Variants in GDNF observed in about 807,000 individuals in gnomAD.
GDNF encodes the protein glial cell derived neurotrophic factor.
Under a neutral mutation model 13.7 loss-of-function variants are expected in GDNF, and 5 were observed. That is an observed-to-expected ratio of 0.36 (90% CI 0.19 to 0.77). The LOEUF (loss-of-function observed/expected upper bound fraction) is 0.77, where lower values mean the gene tolerates loss of function less well. GDNF is among the 30% of genes least tolerant of loss of function. GDNF has a pLI of 0.51. For missense variants in GDNF, 246 were observed against 274.3 expected (o/e 0.90, Z 0.73); for synonymous variants, 122 against 112.5 (o/e 1.08, Z -0.53).
intron 1 of GDNF, among the ~76,000 whole-genome samples, chr5:37,836,841 G>A (rs1750724975): frequency 6.6e-6 from 1 of 152,224 alleles, no homozygotes. Context: ...TTCCTGCTTG[G>A]CCGACGGAGG....
intron 2 of GDNF, among the ~76,000 whole-genome samples, chr5:37,825,562 T>A (rs1238234790): frequency 6.6e-6 from 1 of 151,890 alleles, no homozygotes; most frequent in African/African-American, 2.4e-5. Flanking sequence ...CAGGGAAGGG[T>A]GAGAAAGTTA....
intron 2 of GDNF, among the ~76,000 whole-genome samples, chr5:37,824,679 A>T (rs1750244903): frequency 1.3e-5 from 2 of 152,232 alleles, no homozygotes; most frequent in South Asian, 4.1e-4. Flanking sequence ...TGCATCTTAC[A>T]TTATGTAATG....
intron 2 of GDNF, among the ~76,000 whole-genome samples, chr5:37,827,708 T>C (rs949983681): frequency 3.3e-5 from 5 of 152,216 alleles, no homozygotes; most frequent in Admixed American, 3.3e-4. Flanking sequence ...GAATTGAAAA[T>C]GAAGTCAGAC....
At chr5:37,820,883 C>A (rs983591204) in intron 2 of GDNF, among the ~76,000 whole-genome samples, 9 of 152,126 alleles carry the variant, frequency 5.9e-5, no homozygotes, top group African/African-American at 2.2e-4. Context: ...CAAGTTCAGG[C>A]CATAGGCAAC....
intron 2 of GDNF, among the ~76,000 whole-genome samples, chr5:37,821,164 G>A (rs1014728220): frequency 1.3e-5 from 2 of 152,154 alleles, no homozygotes; most frequent in African/African-American, 4.8e-5. Flanking sequence ...CACTGAGCCT[G>A]TCCTTAATTC....
intron 2 of GDNF, among the ~76,000 whole-genome samples, chr5:37,817,613 G>GTGTC (rs1356917949): frequency 6.6e-6 from 1 of 151,606 alleles, no homozygotes; most frequent in Non-Finnish European, 1.5e-5. Context: ...GAGTGTGTGT[G>GTGTC]TGTGTGTGTG....
chr5:37,839,672 T>C lies in GDNF; in HGVS notation c.-192A>G, dbSNP rs1018793607. ...GTCGCGCGGGGCAGCAAGGGCGCGC[T>C]GGAGGCGGCGGCCAAGACTCCCGCC... On this transcript the variant is annotated 5_prime_UTR_variant, in exon 1 of 3. Transcript: ENST00000326524. This position sits in a 1 kb window ranked among gnomAD's most constrained non-coding sequence, Gnocchi z 5.5. 2 of 151,936 alleles carry C rather than the reference T, an allele frequency of 1.3e-5. No individual in the cohort carries two copies. The highest frequency in any genetic ancestry group is 2.9e-5 in the Non-Finnish European group (2 of 68,036). The allele number at this position is 151,936 out of a possible 1,614,324, so 9.4% of individuals were successfully genotyped here.
intron 2 of GDNF, among the ~76,000 whole-genome samples, chr5:37,833,438 T>A (rs1403857884): frequency 1.3e-5 from 2 of 152,240 alleles, no homozygotes; most frequent in East Asian, 3.8e-4. Context: ...CCTTTTGAAG[T>A]CTTAATTTGC....
rs115957293 is a variant in GDNF at position 37,824,913 on chromosome 5, C to A, written c.152-8778G>T. ...GTTTGTTGACAGTAAGGCATGACAT[C>A]GATTTATTTGAAAAGTATTTGCGTT... On this transcript the variant is annotated intron_variant, in intron 2 of 2. Coordinates refer to ENST00000326524, the MANE Select transcript of GDNF (RefSeq NM_000514.4). Among the ~76,000 whole-genome samples the A allele has an allele frequency of 3.5e-3, 532 of 152,224 alleles. 3 individuals carry two copies. The highest frequency in any genetic ancestry group is 0.012 in the African/African-American group (492 of 41,530).
chr5:37,816,155 A>C lies in GDNF; in HGVS notation c.152-20T>G. On this transcript the variant is annotated intron_variant, in intron 2 of 2. Coordinates refer to ENST00000326524, the MANE Select transcript of GDNF (RefSeq NM_000514.4). The stretch of plus-strand genomic sequence containing the variant: ...TATTTGCTGTTCAAAAAGAAAAGAG[A>C]AAATGGCACATGAGACAAAATGATC... The C allele has an allele frequency of 6.2e-7, 1 of 1,612,514 alleles. No homozygotes were observed. The highest frequency in any genetic ancestry group is 1.1e-5 in the South Asian group (1 of 91,056).
chr5:37,835,677 T>A, intron 1 of GDNF: 1 of 1,549,526 alleles, frequency 6.5e-7, no homozygotes, highest in South Asian at 1.2e-5. Context: ...AAAGTTTTAA[T>A]CCTCCGTGGT....
At chr5:37,824,868 C>T (rs1750254701) in intron 2 of GDNF, among the ~76,000 whole-genome samples, 1 of 152,212 alleles carries the variant, frequency 6.6e-6, no homozygotes, top group Non-Finnish European at 1.5e-5. Flanking sequence ...GCTACCAGTG[C>T]ATTCTCTTCA....
chr5:37,829,948 G>T (rs571012554), intron 2 of GDNF, among the ~76,000 whole-genome samples: 5 of 152,312 alleles, frequency 3.3e-5, no homozygotes, highest in African/African-American at 1.2e-4. Context: ...ATCCCAAGTG[G>T]CAGAGCTCCT....
intron 2 of GDNF, among the ~76,000 whole-genome samples, chr5:37,816,637 G>A (rs1236485733): frequency 6.6e-6 from 1 of 152,146 alleles, no homozygotes; most frequent in Non-Finnish European, 1.5e-5. Context: ...CAAGCCTCAA[G>A]GAATTCTAAT....
At position 37,837,994 on chromosome 5, in the gene GDNF, GTTTTTTTTTT is replaced by G. The variant is rs75624956; in HGVS notation, c.-27+1503_-27+1512del. Among the ~76,000 whole-genome samples, 5 of 125,500 alleles carry G rather than the reference GTTTTTTTTTT, an allele frequency of 4.0e-5. No individual in the cohort carries two copies. Among genetic ancestry groups the G allele is most frequent in the African/African-American group, 1.2e-4 (4 of 33,562 alleles). The allele number at this position is 125,500 out of a possible 152,430, so 82.3% of individuals were successfully genotyped here. On this transcript the variant is annotated intron_variant, in intron 1 of 2. Transcript: ENST00000326524. The surrounding 1 kb of genome is among the most constrained non-coding windows in gnomAD (Gnocchi z 6.5). ...GGGAGACGGGTTTGCTATAAACTCG[GTTTTTTTTTT>G]TTTTTTTTTGGCGGGGGGAGGTAGA...
rs542087077 is a variant in GDNF at position 37,836,641 on chromosome 5, G to C, written c.-26-1819C>G. Reference sequence around the variant, plus strand: ...AAGGTACTTTGGCAGCTAGGACCTGGGGAACGCGAGCTTCCCCCCTCAAGC... The same window carrying C: ...AAGGTACTTTGGCAGCTAGGACCTGCGGAACGCGAGCTTCCCCCCTCAAGC... On this transcript the variant is annotated intron_variant, in intron 1 of 2. Transcript: ENST00000326524. Among the ~76,000 whole-genome samples, 7 of 152,308 alleles carry C rather than the reference G, an allele frequency of 4.6e-5. No homozygotes were observed. The South Asian group carries it at 1.4e-3, about 32-fold the overall frequency.
chr5:37,833,534 A>G (rs1750596286), intron 2 of GDNF, among the ~76,000 whole-genome samples: 1 of 152,230 alleles, frequency 6.6e-6, no homozygotes, highest in South Asian at 2.1e-4. Flanking sequence ...AAATAAGCAC[A>G]TTGCATTTAC....
chr5:37,819,849 A>T (rs1750067148), intron 2 of GDNF, among the ~76,000 whole-genome samples: 1 of 152,154 alleles, frequency 6.6e-6, no homozygotes, highest in African/African-American at 2.4e-5. Flanking sequence ...AACAACATTA[A>T]ATCACTTTGG....
At chr5:37,828,796 T>G (rs548448346) in intron 2 of GDNF, among the ~76,000 whole-genome samples, 216 of 152,348 alleles carry the variant, frequency 1.4e-3, no homozygotes, top group African/African-American at 4.7e-3. Flanking sequence ...AGTTAAAAGG[T>G]GCTAGGTCAT....
Sources: allele counts gnomAD v4.1 joint callset (sites outside exome capture counted in the v4.1 genomes callset), GRCh38; gene constraint gnomAD v4.1.1; non-coding constraint Gnocchi (gnomAD v3.1); transcripts MANE v1.5; gene names NCBI Gene and HGNC (gene_info 2026-07-23, HGNC 2026-07-21).